The following KNDC1 variants were observed in gnomAD, a reference collection of about 807,000 sequenced individuals.
The protein encoded by KNDC1 is kinase non-catalytic C-lobe domain containing 1.
KNDC1 carries 106 observed loss-of-function variants against 172.8 expected under a neutral mutation model. That is an observed-to-expected ratio of 0.61 (90% confidence interval 0.52 to 0.72). The LOEUF is 0.72. KNDC1 is among the 30% of genes least tolerant of loss of function. The pLI, the probability that KNDC1 is intolerant of heterozygous loss-of-function variation, is 0.00. For synonymous variants in KNDC1, 1,083 were observed against 1,062.2 expected (o/e 1.02, Z -0.38); for missense variants, 2,325 against 2,394.5 (o/e 0.97, Z 0.61).
intron 1 of KNDC1, 86 bp from the exon 2 acceptor site, chr10:133,167,295 C>T (rs910181759): frequency 1.4e-5 from 19 of 1,336,290 alleles, no homozygotes; most frequent in African/African-American, 2.9e-5. Flanking sequence ...ACGAGTCGTC[C>T]GTTTCCCCAG....
chr10:133,208,789 TTGGTGTGTGTGCATGTG>T (rs1224884522), intron 20 of KNDC1, among the ~76,000 whole-genome samples: 1 of 152,148 alleles, frequency 6.6e-6, no homozygotes, highest in Non-Finnish European at 1.5e-5. Flanking sequence ...TGGTGCGTTC[TTGGTGTGTGTGCATGTG>T]TGGTGTGTCC....
At chr10:133,161,840 C>T (rs1852982109) in intron 1 of KNDC1, among the ~76,000 whole-genome samples, 3 of 152,234 alleles carry the variant, frequency 2.0e-5, no homozygotes, top group South Asian at 4.1e-4. Context: ...ACAGCTCCTT[C>T]GTGCATCAGA....
chr10:133,204,405 G>T (rs1202488224), intron 17 of KNDC1, among the ~76,000 whole-genome samples: 3 of 152,218 alleles, frequency 2.0e-5, no homozygotes, highest in African/African-American at 4.8e-5. Context: ...AGTGTGGGAG[G>T]CAGGGTCGCA....
In KNDC1 at chr10:133,202,128, C is replaced by T. The variant is rs936638177; in HGVS notation, c.3387+230C>T. On this transcript the variant is annotated intron_variant, in intron 17 of 29. Transcript: ENST00000304613. ...TGCACTGGTGCTCCTGGTGGCTCCACGTCTGAGGACAGGGAAGGGCTTTTC... is the reference window on the plus strand; with the variant it reads ...TGCACTGGTGCTCCTGGTGGCTCCATGTCTGAGGACAGGGAAGGGCTTTTC... 3.3e-5 allele frequency: 23 copies of T among 704,320 alleles called. No individual in the cohort carries two copies. The African/African-American group carries it at 3.3e-4, about 10-fold the overall frequency. The allele number at this position is 704,320 out of a possible 1,614,324, so 43.6% of individuals were successfully genotyped here.
intron 6 of KNDC1, among the ~76,000 whole-genome samples, chr10:133,188,096 C>T (rs1164978276): frequency 6.6e-6 from 1 of 152,188 alleles, no homozygotes; most frequent in East Asian, 1.9e-4. Context: ...GTCCCGAGGC[C>T]AAGCGCCATC....
intron 24 of KNDC1, 104 bp from the exon 25 acceptor site, chr10:133,213,541 A>T: frequency 2.2e-6 from 2 of 919,204 alleles, no homozygotes; most frequent in Non-Finnish European, 3.5e-6. Flanking sequence ...CTGGGATTGC[A>T]GAGCTGGCCC....
In KNDC1 at chr10:133,200,421, C is replaced by G. The variant is rs774894229; in HGVS notation, c.2950C>G (p.Arg984Gly). ...ACAGCTCGAGGGCAGCCAAAGCCCC[C>G]GCTCCCCGTCCAGCAAGAGGCCGTC... ...GSQLEGSQSP[R>G]SPSSKRPSLH... The change falls in exon 16 of 30, where the codon CGC becomes GGC. Residue 984 changes from arginine (R) to glycine (G), a missense_variant. By Grantham distance (125) the Arg-to-Gly change is moderately radical. Transcript: ENST00000304613. 1.3e-6 allele frequency: 2 copies of G among 1,597,498 alleles called. No individual in the cohort carries two copies. The highest frequency in any genetic ancestry group is 1.7e-6 in the Non-Finnish European group (2 of 1,173,064).
At chr10:133,210,123 C>T (rs985020959) in intron 20 of KNDC1, among the ~76,000 whole-genome samples, 1 of 151,996 alleles carries the variant, frequency 6.6e-6, no homozygotes, top group South Asian at 2.1e-4. Context: ...CGGTGGCTCA[C>T]GCCTGTCATT....
intron 3 of KNDC1, among the ~76,000 whole-genome samples, chr10:133,169,767 C>T (rs970130986): frequency 3.3e-5 from 5 of 151,994 alleles, no homozygotes; most frequent in East Asian, 1.9e-4. Flanking sequence ...TGACGTGGCA[C>T]GTGGCCTGGT....
In KNDC1 at chr10:133,218,898, C is replaced by T. The variant is rs929845330; in HGVS notation, c.4745C>T (p.Ala1582Val). ...AKSCYEQRNF[A>V]TAMQILSGLE... ...TCTTGCTATGAGCAGAGAAACTTCG[C>T]GACAGCCATGCAGATCCTGAGCGGG... Residue 1582 changes from alanine to valine, a missense_variant, in exon 27 of 30, where the codon GCG becomes GTG. Transcript: ENST00000304613. 4.3e-6 allele frequency: 7 copies of T among 1,613,792 alleles called. No individual in the cohort carries two copies. The highest frequency in any genetic ancestry group is 4.2e-6 in the Non-Finnish European group (5 of 1,179,932).
intron 7 of KNDC1, among the ~76,000 whole-genome samples, chr10:133,188,943 CA>C (rs1854002620): frequency 6.6e-6 from 1 of 152,012 alleles, no homozygotes; most frequent in Non-Finnish European, 1.5e-5. Context: ...CAGATGCCTG[CA>C]AGGTGGGCCT....
intron 3 of KNDC1, among the ~76,000 whole-genome samples, chr10:133,175,767 A>G (rs1853518003): frequency 6.7e-6 from 1 of 148,486 alleles, no homozygotes; most frequent in Non-Finnish European, 1.5e-5. Context: ...TTAGTAGAGG[A>G]TGGACGGGTG....
rs1360649535 is a variant in KNDC1, at chr10:133,168,344, C to T, written c.360+32C>T. 2.5e-6 allele frequency: 4 copies of T among 1,588,018 alleles called. No individual in the cohort carries two copies. The Admixed American group carries it at 6.7e-5, about 26-fold the overall frequency. ...GCAGGTGGGGGTAATGTGCCACACC[C>T]CCCTTTTACCTCTATGGTGGCCTCT... On this transcript the variant is annotated intron_variant, in intron 3 of 29. Transcript: ENST00000304613.
Position 133,160,419 on chromosome 10 carries a change from G to C in KNDC1, c.-49G>C. On this transcript the variant is annotated 5_prime_UTR_variant, in exon 1 of 30. Coordinates refer to ENST00000304613, the MANE Select transcript of KNDC1 (RefSeq NM_152643.8). Reference sequence around the variant, plus strand: ...GCCAGGGCGCGCGTAGCCGAGCCCAGCCCAGCCCAGCCGGAGGCCCCGGGG... The same window carrying C: ...GCCAGGGCGCGCGTAGCCGAGCCCACCCCAGCCCAGCCGGAGGCCCCGGGG... The C allele has an allele frequency of 7.7e-7, 1 of 1,307,176 alleles. No individual in the cohort carries two copies. Among genetic ancestry groups the C allele is most frequent in the South Asian group, 1.6e-5 (1 of 64,490 alleles). The allele number at this position is 1,307,176 out of a possible 1,614,324, so 81.0% of individuals were successfully genotyped here. A position where few individuals can be genotyped will look rare whatever the true frequency, so the allele number is the denominator to read the frequency against.
chr10:133,166,603 GCA>G, intron 1 of KNDC1, among the ~76,000 whole-genome samples: 1 of 152,284 alleles, frequency 6.6e-6, no homozygotes, highest in African/African-American at 2.4e-5. Flanking sequence ...CTGTGAGTGT[GCA>G]CACACCTTGC....
Position 133,168,773 on chromosome 10 carries a change from A to C in KNDC1, c.360+461A>C, listed in dbSNP as rs543759625. On this transcript the variant is annotated intron_variant, in intron 3 of 29. Coordinates refer to ENST00000304613, the MANE Select transcript of KNDC1 (RefSeq NM_152643.8). ...CTCTCCAGACACAAGGCCTCCAGGC[A>C]CAGCTCCTGGGTATGGGCGTGGGCA... Among the ~76,000 whole-genome samples the C allele has an allele frequency of 4.6e-5, 7 of 152,356 alleles. No homozygotes were observed. In the South Asian group the frequency reaches 1.4e-3, roughly 32 times the overall value.
intron 3 of KNDC1, among the ~76,000 whole-genome samples, chr10:133,171,446 A>G (rs1032483499): frequency 1.6e-4 from 24 of 151,826 alleles, no homozygotes; most frequent in Non-Finnish European, 5.9e-5. Flanking sequence ...AATTTTTTAA[A>G]ATTTTTATAG....
At chr10:133,168,039 G>A (rs1050315805) in intron 2 of KNDC1, among the ~76,000 whole-genome samples, 1 of 152,206 alleles carries the variant, frequency 6.6e-6, no homozygotes, top group Non-Finnish European at 1.5e-5. Flanking sequence ...TTGGGAAAGT[G>A]GTAGAACCCT....
At chr10:133,202,571 C>T (rs941798190) in intron 17 of KNDC1, 1 of 455,956 alleles carries the variant, frequency 2.2e-6, no homozygotes. Context: ...GCCATCAGCT[C>T]CGGGAACCTC....
Sources: allele counts gnomAD v4.1 joint callset (sites outside exome capture counted in the v4.1 genomes callset), GRCh38; gene constraint gnomAD v4.1.1; transcripts MANE v1.5; gene names NCBI Gene and HGNC (gene_info 2026-07-23, HGNC 2026-07-21).